ACTR3C: variants seen among roughly 807,000 people sequenced by gnomAD.
ACTR3C encodes actin related protein 3C.
ACTR3C carries 18 observed loss-of-function variants against 26.3 expected under a neutral mutation model. That is an observed-to-expected ratio of 0.68 (90% CI 0.47 to 1.01). The LOEUF (loss-of-function observed/expected upper bound fraction) is 1.01, where lower values mean the gene tolerates loss of function less well. ACTR3C is among the 50% of genes least tolerant of loss of function. The pLI is 0.00. For synonymous variants in ACTR3C, 55 were observed against 94.5 expected, an observed-to-expected ratio of 0.58 and a Z score of 2.42; for missense variants, 184 against 250.7, an observed-to-expected ratio of 0.73 and a Z score of 1.80.
chr7:150,206,691 G>A, the ACTR3C span, among the ~76,000 whole-genome samples: 5 of 152,256 alleles, frequency 3.3e-5, no homozygotes, highest in African/African-American at 1.2e-4. Flanking sequence ...CAAAGTGCTG[G>A]AATTATAGGC....
the ACTR3C span, among the ~76,000 whole-genome samples, chr7:150,060,413 T>C: frequency 1.3e-5 from 2 of 152,180 alleles, no homozygotes; most frequent in Non-Finnish European, 1.5e-5. Context: ...ATTTCTCTTT[T>C]ATTCTCCTTT....
the ACTR3C span, among the ~76,000 whole-genome samples, chr7:150,129,567 AAAAT>A: frequency 1.3e-5 from 2 of 152,242 alleles, no homozygotes; most frequent in Non-Finnish European, 2.9e-5. Flanking sequence ...TCAATTTACA[AAAAT>A]AAATAATATT....
the ACTR3C span, among the ~76,000 whole-genome samples, chr7:150,034,082 C>A: frequency 6.6e-6 from 1 of 151,540 alleles, no homozygotes; most frequent in Non-Finnish European, 1.5e-5. Flanking sequence ...GGGGGTGCCT[C>A]CCACCCCGCG....
the ACTR3C span, among the ~76,000 whole-genome samples, chr7:149,923,080 C>G: frequency 7.3e-6 from 1 of 136,526 alleles, no homozygotes; most frequent in African/African-American, 2.8e-5. Flanking sequence ...TGGGAGCCAA[C>G]AGAAAACAGC....
intron 1 of ACTR3C, among the ~76,000 whole-genome samples, chr7:150,300,502 C>T (rs1446604722): frequency 2.0e-5 from 3 of 152,010 alleles, no homozygotes; most frequent in Non-Finnish European, 4.4e-5. Flanking sequence ...GAGGGGGGCA[C>T]GCTCTCTAGA....
At chr7:149,994,696 C>G in the ACTR3C span, among the ~76,000 whole-genome samples, 4 of 152,276 alleles carry the variant, frequency 2.6e-5, no homozygotes, top group African/African-American at 9.6e-5. Flanking sequence ...TCCTGACAAT[C>G]TGTGAGTGTG....
chr7:150,149,993 A>G, the ACTR3C span, among the ~76,000 whole-genome samples: 1 of 151,660 alleles, frequency 6.6e-6, no homozygotes, highest in African/African-American at 2.4e-5. Flanking sequence ...TAAACTTATG[A>G]TTTGTACAAT....
chr7:150,287,998 C>A (rs944574856), intron 4 of ACTR3C, among the ~76,000 whole-genome samples: 1 of 146,672 alleles, frequency 6.8e-6, no homozygotes, highest in Non-Finnish European at 1.5e-5. Flanking sequence ...ACGTTACACA[C>A]TCCCTCAGGC....
At chr7:150,091,987 CAAAAAAAAA>C in the ACTR3C span, among the ~76,000 whole-genome samples, 6 of 19,394 alleles carry the variant, frequency 3.1e-4, no homozygotes, top group East Asian at 8.9e-3. Context: ...GACTCCGTCT[CAAAAAAAAA>C]AAAAAAAAAA....
the ACTR3C span, among the ~76,000 whole-genome samples, chr7:150,032,097 C>T: frequency 6.6e-6 from 1 of 152,170 alleles, no homozygotes; most frequent in African/African-American, 2.4e-5. Context: ...GCAGTGATGT[C>T]TGTCCTTGCA....
In ACTR3C at chr7:150,322,681, C is replaced by T. The variant is rs536164300; in HGVS notation, c.-52+788G>A. On this transcript the variant is annotated intron_variant, in intron 1 of 7. Coordinates refer to ENST00000683684, the MANE Select transcript of ACTR3C (RefSeq NM_001164458.2). ...TGGGTAACCAGTAGCCCTGGAGCTG[C>T]TCTGCCTATGGAGTAGCCATCCTTT... The T allele has an allele frequency of 3.3e-5, 5 of 152,360 alleles. No homozygotes were observed. In the South Asian group the frequency reaches 1.0e-3, roughly 32 times the overall value. The allele number at this position is 152,360 out of a possible 1,614,324, so 9.4% of individuals were successfully genotyped here.
At chr7:150,006,335 T>C in the ACTR3C span, among the ~76,000 whole-genome samples, 1 of 151,724 alleles carries the variant, frequency 6.6e-6, no homozygotes, top group South Asian at 2.1e-4. Flanking sequence ...TAGCTGGGAC[T>C]ACAGGCACCC....
At chr7:150,007,710 G>A in the ACTR3C span, among the ~76,000 whole-genome samples, 55 of 151,870 alleles carry the variant, frequency 3.6e-4, no homozygotes, top group African/African-American at 1.2e-3. Flanking sequence ...TCAGTCAGTC[G>A]TGTGTGTGGA....
intron 6 of ACTR3C, among the ~76,000 whole-genome samples, chr7:150,267,199 C>T (rs1319752491): frequency 1.3e-5 from 2 of 152,176 alleles, no homozygotes; most frequent in Non-Finnish European, 1.5e-5. Context: ...TGAAGGAAGC[C>T]GGAAACAGAG....
At chr7:149,948,746 C>T in the ACTR3C span, among the ~76,000 whole-genome samples, 10 of 152,158 alleles carry the variant, frequency 6.6e-5, no homozygotes, top group South Asian at 1.9e-3. Context: ...GCCACAGCCT[C>T]AGGCAAGCCA....
chr7:150,319,857 G>A (rs1349083361), intron 1 of ACTR3C, among the ~76,000 whole-genome samples: 1 of 152,182 alleles, frequency 6.6e-6, no homozygotes, highest in Non-Finnish European at 1.5e-5. Flanking sequence ...AGGGGCAGGA[G>A]CCAGTCCTAT....
the ACTR3C span, among the ~76,000 whole-genome samples, chr7:150,032,059 C>T: frequency 6.6e-6 from 1 of 152,276 alleles, no homozygotes; most frequent in Non-Finnish European, 1.5e-5. Context: ...TCTATTTCAT[C>T]TCTGCCTTGT....
chr7:150,061,606 G>T, the ACTR3C span, among the ~76,000 whole-genome samples: 3 of 42,720 alleles, frequency 7.0e-5, no homozygotes, highest in African/African-American at 2.2e-4. Context: ...GAAAAGTCCT[G>T]GGGTAAAAGT....
chr7:149,903,896 T>A, the ACTR3C span, among the ~76,000 whole-genome samples: 1 of 73,020 alleles, frequency 1.4e-5, no homozygotes, highest in Non-Finnish European at 2.9e-5. Context: ...TGTTGTTTGT[T>A]GTTGCTGGTT....
Sources: gnomAD v4.1 joint callset for allele counts (sites outside exome capture counted in the v4.1 genomes callset) on GRCh38, gnomAD v4.1.1 for gene constraint, MANE v1.5 for transcripts, NCBI Gene and HGNC (gene_info 2026-07-23, HGNC 2026-07-21) for gene names.